The following CAST variants were observed in gnomAD, a reference collection of about 807,000 sequenced individuals.
CAST encodes the protein calpastatin.
In CAST, 76 loss-of-function variants were observed where a neutral mutation model predicts 119.6. That is an observed-to-expected ratio of 0.64 (90% CI 0.53 to 0.77). The LOEUF (loss-of-function observed/expected upper bound fraction) is 0.77, where lower values mean the gene tolerates loss of function less well. Among genes scored for constraint, CAST ranks in the 30% least tolerant of loss-of-function variants. The pLI, the probability that CAST is intolerant of heterozygous loss-of-function variation, is 0.00. For missense variants in CAST, 953 were observed against 946.5 expected, an observed-to-expected ratio of 1.01 and a Z score of -0.09; for synonymous variants, 319 against 331.6, an observed-to-expected ratio of 0.96 and a Z score of 0.41.
chr5:96,372,915 A>C, the CAST span, among the ~76,000 whole-genome samples: 1 of 152,178 alleles, frequency 6.6e-6, no homozygotes, highest in Non-Finnish European at 1.5e-5. Flanking sequence ...AACCCAATGA[A>C]AAAGAGCTTC....
the CAST span, among the ~76,000 whole-genome samples, chr5:96,173,204 C>A: frequency 6.6e-6 from 1 of 152,100 alleles, no homozygotes; most frequent in East Asian, 1.9e-4. Context: ...TGGGTGACCA[C>A]AAAAAGCAAC....
chr5:96,457,443 G>C, the CAST span, among the ~76,000 whole-genome samples: 2 of 152,002 alleles, frequency 1.3e-5, no homozygotes, highest in Admixed American at 6.5e-5. Context: ...TTTCCATGTC[G>C]CTCGGAATAC....
intron 1 of CAST, among the ~76,000 whole-genome samples, chr5:96,582,034 T>C (rs1430708257): frequency 6.6e-6 from 1 of 152,196 alleles, no homozygotes; most frequent in Non-Finnish European, 1.5e-5. Flanking sequence ...AGTAAACTCT[T>C]TGCAATAGAA....
the CAST span, among the ~76,000 whole-genome samples, chr5:96,496,695 A>G: frequency 6.1e-4 from 93 of 152,352 alleles, 1 homozygote; most frequent in South Asian, 2.7e-3. Context: ...TGAAACATCT[A>G]TTATCATCTA....
At chr5:96,475,910 G>A in the CAST span, among the ~76,000 whole-genome samples, 16,007 of 152,258 alleles carry the variant, frequency 0.11, 1,074 homozygotes, top group Middle Eastern at 0.2. Flanking sequence ...TATCACAGAA[G>A]AGAGAAATGG....
At chr5:96,653,826 A>G (rs1748123067) in intron 1 of CAST, among the ~76,000 whole-genome samples, 1 of 152,150 alleles carries the variant, frequency 6.6e-6, no homozygotes, top group African/African-American at 2.4e-5. Flanking sequence ...ATAAATAAAT[A>G]AATAACTATG....
upstream of CAST, among the ~76,000 whole-genome samples, chr5:96,527,155 G>T (rs1745609120): frequency 6.6e-6 from 1 of 152,154 alleles, no homozygotes. Context: ...TAGGTGGAGG[G>T]ATGATTTCTA....
At chr5:96,400,036 C>T in the CAST span, 2 of 1,614,168 alleles carry the variant, frequency 1.2e-6, no homozygotes, top group East Asian at 2.2e-5. Flanking sequence ...CTAAATCCAC[C>T]AGAGCTTTGG....
chr5:96,685,061 T>A (rs1324924153), intron 2 of CAST, among the ~76,000 whole-genome samples: 2 of 150,792 alleles, frequency 1.3e-5, no homozygotes, highest in Admixed American at 6.6e-5. Flanking sequence ...TATATATATA[T>A]AAATATATCA....
intron 3 of CAST, among the ~76,000 whole-genome samples, chr5:96,699,700 A>G (rs1753665223): frequency 6.6e-6 from 1 of 152,194 alleles, no homozygotes; most frequent in Non-Finnish European, 1.5e-5. Context: ...CCCTGCTCCA[A>G]GGGAATCTGG....
At chr5:96,291,040 C>T in the CAST span, among the ~76,000 whole-genome samples, 7 of 152,198 alleles carry the variant, frequency 4.6e-5, no homozygotes, top group Admixed American at 3.3e-4. Context: ...TTACAGAGAA[C>T]AACTGAGGCT....
intron 2 of CAST, among the ~76,000 whole-genome samples, chr5:96,693,972 C>T (rs903096919): frequency 1.2e-4 from 19 of 152,088 alleles, no homozygotes; most frequent in Middle Eastern, 3.2e-3. Context: ...GCCTGTGAGG[C>T]CCCCTAGAGT....
At chr5:96,595,225 G>A (rs996537526) in intron 1 of CAST, among the ~76,000 whole-genome samples, 1 of 152,128 alleles carries the variant, frequency 6.6e-6, no homozygotes, top group African/African-American at 2.4e-5. Flanking sequence ...ATACTAAACC[G>A]GATGTTTATC....
chr5:96,725,413 C>T (rs557124745), intron 4 of CAST, among the ~76,000 whole-genome samples: 3 of 152,244 alleles, frequency 2.0e-5, no homozygotes, highest in East Asian at 3.9e-4. Context: ...GAGTGCAGTG[C>T]GATGACTAGA....
chr5:96,040,980 G>A, the CAST span, among the ~76,000 whole-genome samples: 9 of 152,112 alleles, frequency 5.9e-5, no homozygotes, highest in South Asian at 8.3e-4. Flanking sequence ...TGTAGAATTC[G>A]GCTGTGAATC....
intron 1 of CAST, among the ~76,000 whole-genome samples, chr5:96,649,809 T>A (rs1207727279): frequency 1.3e-5 from 2 of 152,076 alleles, no homozygotes; most frequent in African/African-American, 4.8e-5. Flanking sequence ...CCTGTTAGAG[T>A]TGCATTTAAA....
At chr5:96,274,457 A>G in the CAST span, among the ~76,000 whole-genome samples, 38 of 152,270 alleles carry the variant, frequency 2.5e-4, 1 homozygote, top group East Asian at 5.4e-3. Flanking sequence ...TACCAAAACC[A>G]TGACTCCTGA....
intron 1 of CAST, among the ~76,000 whole-genome samples, chr5:96,600,992 C>T (rs1376944543): frequency 6.6e-6 from 1 of 152,146 alleles, no homozygotes; most frequent in Non-Finnish European, 1.5e-5. Context: ...TGCTTTTCTT[C>T]TGGTTTACGA....
chr5:96,365,607 T>C, the CAST span, among the ~76,000 whole-genome samples: 1 of 152,216 alleles, frequency 6.6e-6, no homozygotes, highest in Non-Finnish European at 1.5e-5. Context: ...TTGATCTTTG[T>C]TGGTTTAAAG....
Sources: gnomAD v4.1 joint callset for allele counts (sites outside exome capture counted in the v4.1 genomes callset) on GRCh38, gnomAD v4.1.1 for gene constraint, MANE v1.5 for transcripts, NCBI Gene and HGNC (gene_info 2026-07-23, HGNC 2026-07-21) for gene names.